Variants in STXBP5L observed in about 807,000 individuals in gnomAD.
The protein encoded by STXBP5L is syntaxin binding protein 5L.
In STXBP5L, 65 loss-of-function variants were observed where a neutral mutation model predicts 144.5. The observed-to-expected ratio is 0.45, with a 90% CI of 0.37 to 0.55. STXBP5L has a LOEUF of 0.55. Ranked by LOEUF, STXBP5L falls within the 20% of genes least tolerant of loss-of-function variation. The pLI is 0.00. For synonymous variants in STXBP5L, 505 were observed against 469.6 expected, an observed-to-expected ratio of 1.08 and a Z score of -0.97; for missense variants, 1,298 against 1,405.5, an observed-to-expected ratio of 0.92 and a Z score of 1.22.
At chr3:121,225,925 G>A (rs1347287671) in intron 11 of STXBP5L, among the ~76,000 whole-genome samples, 1 of 152,196 alleles carries the variant, frequency 6.6e-6, no homozygotes, top group Non-Finnish European at 1.5e-5. Context: ...CAGGGCCTTA[G>A]CTACTGCCAT....
chr3:120,935,258 G>C (rs1276589330), intron 2 of STXBP5L, among the ~76,000 whole-genome samples: 2 of 151,324 alleles, frequency 1.3e-5, no homozygotes, highest in Non-Finnish European at 3.0e-5. Flanking sequence ...CACTACATGA[G>C]CCATGCAAGT....
chr3:121,290,781 C>T (rs1024372325), intron 19 of STXBP5L, among the ~76,000 whole-genome samples: 4 of 151,610 alleles, frequency 2.6e-5, no homozygotes, highest in African/African-American at 9.7e-5. Flanking sequence ...TGATACATCA[C>T]GAAACAAAAT....
At chr3:121,095,308 A>G (rs906835687) in intron 5 of STXBP5L, among the ~76,000 whole-genome samples, 2 of 151,978 alleles carry the variant, frequency 1.3e-5, no homozygotes, top group East Asian at 1.9e-4. Flanking sequence ...CATTCTCTGT[A>G]TTTCCTGAAT....
rs1168938223 is a variant in STXBP5L, at chr3:121,423,521, T to A, written c.*4424T>A. 6.6e-6 allele frequency: 1 copy of A among 152,234 alleles called. No individual in the cohort carries two copies. The highest frequency in any genetic ancestry group is 2.4e-5 in the African/African-American group (1 of 41,462). The allele number at this position is 152,234 out of a possible 1,614,324, so 9.4% of individuals were successfully genotyped here. On this transcript the variant is annotated 3_prime_UTR_variant, in exon 27 of 27. Transcript: ENST00000471454. ...GGAGCCACAGTGAAGTGAAAGAGGC[T>A]TTAAGGAATCAGATGCACAGATGGA...
chr3:121,341,739 T>C (rs556924380), intron 20 of STXBP5L, among the ~76,000 whole-genome samples: 9 of 152,244 alleles, frequency 5.9e-5, no homozygotes, highest in African/African-American at 2.2e-4. Flanking sequence ...GGGGTAATTA[T>C]GTTAAGTGAA....
chr3:121,202,530 G>A (rs989963374), intron 9 of STXBP5L, among the ~76,000 whole-genome samples: 21 of 151,862 alleles, frequency 1.4e-4, no homozygotes, highest in Non-Finnish European at 7.4e-5. Context: ...TTACTTGCTG[G>A]GTCACTTTCT....
chr3:121,152,503 T>G lies in STXBP5L; in HGVS notation c.696T>G (p.Thr232=), dbSNP rs373917783. 2.7e-5 allele frequency: 44 copies of G among 1,608,896 alleles called. No individual in the cohort carries two copies. Among genetic ancestry groups the G allele is most frequent in the Non-Finnish European group, 3.7e-5 (43 of 1,177,812 alleles). The part of the protein sequence containing the change: ...GKLLIGYENG[T]VVFWDLKSKR... Reference sequence around the variant, plus strand: ...TGCTAATAGGTTATGAAAATGGTACTGTAGTATTCTGGGACTTGAAATCTA... The same window carrying G: ...TGCTAATAGGTTATGAAAATGGTACGGTAGTATTCTGGGACTTGAAATCTA... The change falls in exon 8 of 27, where the codon ACT becomes ACG. Residue 232 remains threonine, a synonymous_variant. Coordinates refer to ENST00000471454, the MANE Select transcript of STXBP5L (RefSeq NM_001308330.2).
chr3:121,125,426 A>G (rs1211531976), intron 7 of STXBP5L, among the ~76,000 whole-genome samples: 3 of 152,048 alleles, frequency 2.0e-5, no homozygotes, highest in African/African-American at 7.2e-5. Flanking sequence ...AGCTGACATT[A>G]TGCCACTGCA....
intron 3 of STXBP5L, among the ~76,000 whole-genome samples, chr3:121,031,017 TAAAAC>T (rs1312803396): frequency 6.6e-6 from 1 of 152,104 alleles, no homozygotes; most frequent in Non-Finnish European, 1.5e-5. Context: ...TTGACACTCT[TAAAAC>T]AAATTATGAT....
intron 20 of STXBP5L, among the ~76,000 whole-genome samples, chr3:121,376,775 G>A (rs1468437040): frequency 1.3e-5 from 2 of 152,152 alleles, no homozygotes; most frequent in Admixed American, 6.5e-5. Context: ...TGTGAAGAAA[G>A]TAGCTTGATG....
chr3:120,979,987 C>T (rs937296453), intron 3 of STXBP5L, among the ~76,000 whole-genome samples: 1 of 152,144 alleles, frequency 6.6e-6, no homozygotes, highest in East Asian at 1.9e-4. Flanking sequence ...ATGCAACAAT[C>T]TTTCAGGAGC....
chr3:121,381,402 G>GA lies in STXBP5L; in HGVS notation c.2462dup (p.Asn821LysfsTer2). 6.2e-7 allele frequency: 1 copy of GA among 1,610,074 alleles called. No homozygotes were observed. The highest frequency in any genetic ancestry group is 8.5e-7 in the Non-Finnish European group (1 of 1,178,644). ...TATACTTCATGGACTCCTTTGCACG[G>GA]AAAAATGACTCTACCATCTCTCCTT... is the stretch of plus-strand genomic sequence containing the variant. On this transcript the variant is annotated frameshift_variant, in exon 22 of 27. Transcript: ENST00000471454. LOFTEE classifies it high-confidence loss of function.
chr3:121,027,629 CCT>C (rs1356827736), intron 3 of STXBP5L, among the ~76,000 whole-genome samples: 10 of 152,032 alleles, frequency 6.6e-5, no homozygotes, highest in Non-Finnish European at 1.5e-4. Flanking sequence ...ACACTAACTC[CCT>C]GTGTCTTTTT....
chr3:121,033,955 C>T (rs147273129), intron 3 of STXBP5L, among the ~76,000 whole-genome samples: 75 of 152,024 alleles, frequency 4.9e-4, no homozygotes, highest in African/African-American at 1.7e-3. Flanking sequence ...TTTTCTCATG[C>T]CATTTCTATG....
intron 7 of STXBP5L, among the ~76,000 whole-genome samples, chr3:121,126,567 G>A (rs866601037): frequency 6.6e-6 from 1 of 152,244 alleles, no homozygotes; most frequent in South Asian, 2.1e-4. Flanking sequence ...AGAAAGATAA[G>A]ATAAAGGGAG....
At chr3:121,120,494 GT>G (rs2044409373) in intron 6 of STXBP5L, among the ~76,000 whole-genome samples, 2 of 151,110 alleles carry the variant, frequency 1.3e-5, no homozygotes, top group Non-Finnish European at 3.0e-5. Context: ...TGCACACTAT[GT>G]TTTGCCATAG....
At chr3:121,170,566 C>T (rs954211211) in intron 9 of STXBP5L, among the ~76,000 whole-genome samples, 3 of 152,170 alleles carry the variant, frequency 2.0e-5, no homozygotes, top group Non-Finnish European at 2.9e-5. Context: ...ATAAACACTT[C>T]TATGCAAATA....
At position 121,073,223 on chromosome 3, in the gene STXBP5L, G is replaced by A. The variant is rs185818703; in HGVS notation, c.470+27688G>A. 3.7e-3 allele frequency among the ~76,000 whole-genome samples: 559 copies of A among 152,262 alleles called. 1 individual carries two copies. Among genetic ancestry groups the A allele is most frequent in the Non-Finnish European group, 5.0e-3 (338 of 68,014 alleles). The stretch of plus-strand genomic sequence containing the variant: ...CCTGGGCCACACAATGGGGCTTTCC[G>A]TGCTCCACCCATTCTGTTGGCAGCA... On this transcript the variant is annotated intron_variant, in intron 5 of 26. Transcript: ENST00000471454.
chr3:121,026,860 T>C (rs1945985380), intron 3 of STXBP5L, among the ~76,000 whole-genome samples: 1 of 151,542 alleles, frequency 6.6e-6, no homozygotes, highest in African/African-American at 2.4e-5. Context: ...AAAATATATA[T>C]ATATAGTTAT....
Sources: allele counts gnomAD v4.1 joint callset (sites outside exome capture counted in the v4.1 genomes callset), GRCh38; gene constraint gnomAD v4.1.1; transcripts MANE v1.5; gene names NCBI Gene and HGNC (gene_info 2026-07-23, HGNC 2026-07-21).